NAPSA: variants seen among roughly 807,000 people sequenced by gnomAD.
NAPSA encodes the protein napsin-A.
Under a neutral mutation model 36.7 loss-of-function variants are expected in NAPSA, and 37 were observed. The observed-to-expected ratio is 1.01, with a 90% CI of 0.78 to 1.33. The LOEUF is 1.33. Among genes scored for constraint, NAPSA ranks in the 40% most tolerant of loss-of-function variants. NAPSA has a pLI of 0.00. For synonymous variants in NAPSA, 222 were observed against 234.5 expected (o/e 0.95, Z 0.49); for missense variants, 532 against 543.8 (o/e 0.98, Z 0.21).
rs1159911443 is a variant in NAPSA, at chr19:50,360,390, CTGAG to C, written c.669-532_669-529del. The stretch of plus-strand genomic sequence containing the variant: ...TAGAGTGGGTTGGATGTCAGGGTAA[CTGAG>C]TGGGCATAGGATTTTCTGACTGTGT... On this transcript the variant is annotated intron_variant, in intron 5 of 8. Transcript: ENST00000253719. 9.9e-5 allele frequency among the ~76,000 whole-genome samples: 15 copies of C among 152,106 alleles called. No individual in the cohort carries two copies. The East Asian group carries it at 2.7e-3, about 27-fold the overall frequency.
upstream of NAPSA, among the ~76,000 whole-genome samples, chr19:50,367,707 C>CTG (rs2037567375): frequency 6.6e-6 from 1 of 152,150 alleles, no homozygotes; most frequent in South Asian, 2.1e-4. Context: ...CACGACCTAC[C>CTG]TGCCTACTGC....
upstream of NAPSA, among the ~76,000 whole-genome samples, chr19:50,368,326 C>CA (rs1035756758): frequency 5.3e-5 from 8 of 151,254 alleles, no homozygotes; most frequent in African/African-American, 1.2e-4. Flanking sequence ...CCTGTCTGTA[C>CA]AAAAAAAATG....
At chr19:50,364,321 A>G (rs2037514504) in intron 1 of NAPSA, among the ~76,000 whole-genome samples, 1 of 147,812 alleles carries the variant, frequency 6.8e-6, no homozygotes, top group Non-Finnish European at 1.5e-5. Flanking sequence ...TCTCAAAAAA[A>G]AAAAAAAAAA....
rs1207159768 is a variant in NAPSA, at chr19:50,359,565, G to A, written c.874C>T (p.Pro292Ser). ...TGCAGGGCCCGGATCTCCTCAGTGG[G>A]TCCTGTGATGAGGGACGTGCCCGTA... ...LDTGTSLITG[P>S]TEEIRALHAA... Residue 292 changes from proline to serine, a missense_variant, in exon 7 of 9, where the codon CCC becomes TCC. Physicochemically the swap from Pro to Ser is moderately conservative, Grantham distance 74. Coordinates refer to ENST00000253719, the MANE Select transcript of NAPSA (RefSeq NM_004851.3). The A allele has an allele frequency of 1.9e-6, 3 of 1,614,236 alleles. No individual in the cohort carries two copies. The East Asian group carries it at 6.7e-5, about 36-fold the overall frequency.
Position 50,361,022 on chromosome 19 carries a change from A to C in NAPSA, c.587T>G (p.Val196Gly), listed in dbSNP as rs781026968. 1 of 1,614,168 alleles carries C rather than the reference A, an allele frequency of 6.2e-7. No individual in the cohort carries two copies. ...ILGLGFPILS[V>G]EGVRPPMDVL... ...ATCCATCGGGGGCCGAACTCCTTCC[A>C]CAGACAGAATGGGAAAACCGAGGCC... Residue 196 changes from valine (V) to glycine (G), a missense_variant, in exon 5 of 9, where the codon GTG becomes GGG. Around this residue, in one of 3 missense-constraint regions of NAPSA, gnomAD observed 385 missense variants for 371.5 expected, o/e 1.04. Transcript: ENST00000253719.
intron 4 of NAPSA, 171 bp downstream of exon 4, chr19:50,361,492 C>T: frequency 3.1e-6 from 2 of 650,226 alleles, no homozygotes; most frequent in Non-Finnish European, 2.7e-6. Context: ...GCCCCTCCCC[C>T]TCCTTGTGAC....
upstream of NAPSA, among the ~76,000 whole-genome samples, chr19:50,368,673 G>A (rs1423813833): frequency 6.6e-6 from 1 of 152,086 alleles, no homozygotes; most frequent in Non-Finnish European, 1.5e-5. Flanking sequence ...TCCGTCTGCA[G>A]CACCCCATCC....
At chr19:50,360,518 T>C (rs2037457949) in intron 5 of NAPSA, among the ~76,000 whole-genome samples, 1 of 152,092 alleles carries the variant, frequency 6.6e-6, no homozygotes, top group South Asian at 2.1e-4. Context: ...AGCAGGTGAG[T>C]GGGACTTCCT....
Position 50,361,684 on chromosome 19 carries a change from G to A in NAPSA, c.447C>T (p.Ile149=). ...IQYGTGRVDG[I]LSEDKLTIGG... ...TCACAGTCAGCTTGTCCTCGCTCAG[G>A]ATTCCATCTACCCGCCCAGTTCCAT... The change falls in exon 4 of 9, where the codon ATC becomes ATT. Residue 149 remains isoleucine, a synonymous_variant. Coordinates refer to ENST00000253719, the MANE Select transcript of NAPSA (RefSeq NM_004851.3). 6.2e-7 allele frequency: 1 copy of A among 1,613,918 alleles called. No individual in the cohort carries two copies. Among genetic ancestry groups the A allele is most frequent in the Non-Finnish European group, 8.5e-7 (1 of 1,179,932 alleles).
chr19:50,359,029 G>C lies in NAPSA; in HGVS notation c.1017C>G (p.Ala339=). 6.2e-7 allele frequency: 1 copy of C among 1,613,908 alleles called. No individual in the cohort carries two copies. The highest frequency in any genetic ancestry group is 8.5e-7 in the Non-Finnish European group (1 of 1,179,830). ...CACCTACCTGGATGACGTAATCATG[G>C]GCCGTGAGGTTAAACCAGACCCCCC... ...LLGGVWFNLT[A]HDYVIQTTRN... is the part of the protein sequence containing the mutation. The change falls in exon 8 of 9, where the codon GCC becomes GCG. Residue 339 remains alanine, a synonymous_variant. Transcript: ENST00000253719.
At chr19:50,360,311 G>C (rs1046772331) in intron 5 of NAPSA, among the ~76,000 whole-genome samples, 1 of 152,182 alleles carries the variant, frequency 6.6e-6, no homozygotes, top group African/African-American at 2.4e-5. Context: ...CAGGGATGGA[G>C]ACTTCCTGGA....
At chr19:50,365,124 A>G (rs1252262628) in intron 1 of NAPSA, among the ~76,000 whole-genome samples, 2 of 151,910 alleles carry the variant, frequency 1.3e-5, no homozygotes, top group Non-Finnish European at 2.9e-5. Flanking sequence ...TCACGAGGTC[A>G]GGGGTTCCAG....
intron 7 of NAPSA, 141 bp downstream of exon 7, chr19:50,359,362 C>T (rs2037440558): frequency 8.5e-7 from 1 of 1,171,088 alleles, no homozygotes; most frequent in Admixed American, 2.3e-5. Context: ...CACCACCCTC[C>T]AGACTATCTG....
chr19:50,359,522 A>G lies in NAPSA; in HGVS notation c.917T>C (p.Ile306Thr), dbSNP rs904251088. The G allele has an allele frequency of 6.2e-7, 1 of 1,613,978 alleles. No individual in the cohort carries two copies. Among genetic ancestry groups the G allele is most frequent in the Non-Finnish European group, 8.5e-7 (1 of 1,180,022 alleles). The change falls in exon 7 of 9, where the codon ATC becomes ACC. Residue 306 changes from isoleucine (I) to threonine (T), a missense_variant. Transcript: ENST00000253719. ...CCTCACCTCCCCAGCCAGCAAGGGG[A>G]TTCCCCCAATGGCTGCATGCAGGGC... ...IRALHAAIGG[I>T]PLLAGEYIIL...
chr19:50,360,874 T>G (rs1486419320), intron 5 of NAPSA, 67 bp downstream of exon 5: 1 of 1,470,326 alleles, frequency 6.8e-7, no homozygotes, highest in Non-Finnish European at 9.3e-7. Context: ...GGTCAGTGAC[T>G]TCCTGAAGGA....
At chr19:50,359,137 TGA>T (rs780467326) in intron 7 of NAPSA, 28 bp from the exon 8 acceptor site, 4 of 1,575,180 alleles carry the variant, frequency 2.5e-6, no homozygotes, top group Non-Finnish European at 3.5e-6. Flanking sequence ...CTAGTGAAGA[TGA>T]GAGATTCCTG....
chr19:50,368,089 C>T (rs919866413), upstream of NAPSA, among the ~76,000 whole-genome samples: 3 of 138,066 alleles, frequency 2.2e-5, no homozygotes, highest in African/African-American at 5.4e-5. Context: ...ACCTGGGAGG[C>T]GGAAGTTGCA....
chr19:50,362,291 G>C lies in NAPSA; in HGVS notation c.106C>G (p.Pro36Ala). 6.2e-7 allele frequency: 1 copy of C among 1,608,870 alleles called. No homozygotes were observed. The highest frequency in any genetic ancestry group is 8.5e-7 in the Non-Finnish European group (1 of 1,177,650). ...AGTAGGTTCAGGATCCTGCGTCCAG[G>C]TTGGACTCGATGAAGAGGGATGCTG... ...LIRIPLHRVQPGRRILNLLRG... is the reference protein window; with the variant it reads ...LIRIPLHRVQAGRRILNLLRG... Residue 36 changes from proline to alanine, a missense_variant, in exon 2 of 9, where the codon CCT (proline) becomes GCT (alanine). This residue lies in a region of NAPSA where 102 missense variants were observed against 93.6 expected (regional missense o/e 1.09). Coordinates refer to ENST00000253719, the MANE Select transcript of NAPSA (RefSeq NM_004851.3).
intron 5 of NAPSA, among the ~76,000 whole-genome samples, chr19:50,360,089 A>G (rs1221055466): frequency 6.6e-6 from 1 of 152,204 alleles, no homozygotes; most frequent in Non-Finnish European, 1.5e-5. Flanking sequence ...ACGAGACTTC[A>G]TTTGGCTGTG....
Sources: gnomAD v4.1 joint callset for allele counts (sites outside exome capture counted in the v4.1 genomes callset) on GRCh38, gnomAD v4.1.1 for gene constraint, gnomAD v4.1.1 regional missense constraint, MANE v1.5 for transcripts, NCBI Gene and HGNC (gene_info 2026-07-23, HGNC 2026-07-21) for gene names.